The following ASTN2 variants were observed in gnomAD, a reference collection of about 807,000 sequenced individuals.
ASTN2 encodes the protein astrotactin 2.
ASTN2 carries 54 observed loss-of-function variants against 139.8 expected under a neutral mutation model. The observed-to-expected ratio is 0.39, with a 90% CI of 0.31 to 0.48. ASTN2 has a LOEUF of 0.48. Among genes scored for constraint, ASTN2 ranks in the 20% least tolerant of loss-of-function variants. ASTN2 has a pLI of 0.95. For synonymous variants in ASTN2, 756 were observed against 719.5 expected (o/e 1.05, Z -0.81); for missense variants, 1,565 against 1,725.1 (o/e 0.91, Z 1.64).
chr9:116,743,420 G>A (rs886209953), intron 13 of ASTN2, among the ~76,000 whole-genome samples: 15 of 152,116 alleles, frequency 9.9e-5, no homozygotes, highest in South Asian at 4.1e-4. Context: ...GCGTGGTGGC[G>A]GACGCCTGTA....
chr9:117,292,542 A>C lies in ASTN2; in HGVS notation c.443-1029T>G, dbSNP rs538946398. On this transcript the variant is annotated intron_variant, in intron 1 of 22. Transcript: ENST00000313400. ...TTGGAGGATTATTAGGTCTGCATTC[A>C]AGGGAGACAAACAGGAGACAAATAG... Among the ~76,000 whole-genome samples, 6 of 152,306 alleles carry C rather than the reference A, an allele frequency of 3.9e-5. No homozygotes were observed. The East Asian group carries it at 9.7e-4, about 25-fold the overall frequency.
intron 1 of ASTN2, among the ~76,000 whole-genome samples, chr9:117,355,494 G>A (rs576903041): frequency 1.3e-5 from 2 of 152,228 alleles, no homozygotes; most frequent in South Asian, 4.1e-4. Context: ...AGAGGACATG[G>A]CTCGCCACAT....
intron 16 of ASTN2, among the ~76,000 whole-genome samples, chr9:116,656,017 C>A (rs767008270): frequency 1.4e-4 from 22 of 151,988 alleles, no homozygotes; most frequent in African/African-American, 4.6e-4. Context: ...CATGAGCCAC[C>A]GCACCTGACC....
At chr9:116,934,957 G>A (rs753098936) in intron 10 of ASTN2, among the ~76,000 whole-genome samples, 5 of 152,100 alleles carry the variant, frequency 3.3e-5, no homozygotes, top group African/African-American at 9.7e-5. Flanking sequence ...CTGTTTTCCC[G>A]TTCTAGATGT....
intron 5 of ASTN2, among the ~76,000 whole-genome samples, chr9:117,079,353 C>T (rs958566984): frequency 7.2e-5 from 11 of 151,984 alleles, no homozygotes; most frequent in Admixed American, 7.2e-4. Flanking sequence ...GAGACCCTGT[C>T]GAGAGAGAGT....
chr9:117,020,685 G>A (rs1276083075), intron 6 of ASTN2, among the ~76,000 whole-genome samples: 1 of 152,078 alleles, frequency 6.6e-6, no homozygotes, highest in Non-Finnish European at 1.5e-5. Flanking sequence ...GCAAGATTTA[G>A]GGCATGCTGG....
intron 17 of ASTN2, among the ~76,000 whole-genome samples, chr9:116,646,848 G>C (rs1312222574): frequency 6.6e-6 from 1 of 152,108 alleles, no homozygotes. Context: ...CATTGCCCTG[G>C]GGCTAAACTC....
chr9:116,588,603 T>A (rs1854253921), intron 19 of ASTN2, among the ~76,000 whole-genome samples: 1 of 152,322 alleles, frequency 6.6e-6, no homozygotes, highest in South Asian at 2.1e-4. Flanking sequence ...ATAATAATAG[T>A]GTCTTCATCA....
At chr9:116,922,753 CA>C (rs1170562671) in intron 10 of ASTN2, among the ~76,000 whole-genome samples, 2 of 152,062 alleles carry the variant, frequency 1.3e-5, no homozygotes, top group African/African-American at 4.8e-5. Flanking sequence ...AGTGTGATCC[CA>C]ATCAGATTAA....
intron 11 of ASTN2, among the ~76,000 whole-genome samples, chr9:116,850,053 G>T (rs1832552145): frequency 6.6e-6 from 1 of 152,176 alleles, no homozygotes; most frequent in African/African-American, 2.4e-5. Flanking sequence ...ACCCTCAGGG[G>T]ATTGAAAAGG....
At chr9:117,121,449 A>G (rs1829555561) in intron 4 of ASTN2, among the ~76,000 whole-genome samples, 1 of 152,238 alleles carries the variant, frequency 6.6e-6, no homozygotes, top group South Asian at 2.1e-4. Flanking sequence ...ACCTCCAGGA[A>G]GGAAGCAGAA....
At chr9:117,157,898 A>G (rs1830465636) in intron 3 of ASTN2, among the ~76,000 whole-genome samples, 1 of 152,036 alleles carries the variant, frequency 6.6e-6, no homozygotes, top group Non-Finnish European at 1.5e-5. Flanking sequence ...CTTAAGAAAG[A>G]TCAGTGTAAC....
chr9:116,849,558 T>A (rs542234826), intron 11 of ASTN2, among the ~76,000 whole-genome samples: 34 of 152,310 alleles, frequency 2.2e-4, no homozygotes, highest in African/African-American at 8.2e-4. Context: ...AGATTAAGAC[T>A]TAAAGAGGTT....
chr9:117,298,052 A>T (rs1205135626), intron 1 of ASTN2, among the ~76,000 whole-genome samples: 1 of 152,198 alleles, frequency 6.6e-6, no homozygotes, highest in Non-Finnish European at 1.5e-5. Flanking sequence ...CCAACCATTA[A>T]ATGGCTACCA....
chr9:117,166,551 A>C (rs1588034715), intron 3 of ASTN2, among the ~76,000 whole-genome samples: 1 of 152,210 alleles, frequency 6.6e-6, no homozygotes, highest in South Asian at 2.1e-4. Context: ...GTGAAGCAAA[A>C]CAAGCCAAAC....
intron 1 of ASTN2, among the ~76,000 whole-genome samples, chr9:117,390,036 A>G (rs1830502508): frequency 6.6e-6 from 1 of 152,172 alleles, no homozygotes; most frequent in African/African-American, 2.4e-5. Context: ...CTCTCAACCC[A>G]GGTTGGCACT....
intron 1 of ASTN2, among the ~76,000 whole-genome samples, chr9:117,355,044 G>A (rs913453009): frequency 2.0e-5 from 3 of 151,836 alleles, no homozygotes; most frequent in Admixed American, 1.3e-4. Context: ...CTTACCCAGT[G>A]TATATTTCTT....
At chr9:116,683,120 C>T (rs1859990853) in intron 16 of ASTN2, among the ~76,000 whole-genome samples, 2 of 151,874 alleles carry the variant, frequency 1.3e-5, no homozygotes, top group Non-Finnish European at 1.5e-5. Context: ...ATTGTTGTCT[C>T]GCTTTGGTCC....
chr9:116,735,109 C>T (rs187948679), intron 13 of ASTN2, among the ~76,000 whole-genome samples: 21 of 152,150 alleles, frequency 1.4e-4, no homozygotes, highest in African/African-American at 4.1e-4. Flanking sequence ...AGCTGGGATA[C>T]GAACCCAGGT....
Sources: allele counts gnomAD v4.1 joint callset (sites outside exome capture counted in the v4.1 genomes callset), GRCh38; gene constraint gnomAD v4.1.1; transcripts MANE v1.5; gene names NCBI Gene and HGNC (gene_info 2026-07-23, HGNC 2026-07-21).